The following DGKB variants were observed in gnomAD, a reference collection of about 807,000 sequenced individuals.
DGKB encodes diacylglycerol kinase beta.
In DGKB, 67 loss-of-function variants were observed where a neutral mutation model predicts 114.3. The ratio of observed to expected loss-of-function variants is 0.59; its 90% CI spans 0.48 to 0.72. The LOEUF (loss-of-function observed/expected upper bound fraction) is 0.72. Among genes scored for constraint, DGKB ranks in the 30% least tolerant of loss-of-function variants. The pLI, the probability that DGKB is intolerant of heterozygous loss-of-function variation, is 0.00. For missense variants in DGKB, 907 were observed against 975.2 expected, an observed-to-expected ratio of 0.93 and a Z score of 0.93; for synonymous variants, 398 against 323.1, an observed-to-expected ratio of 1.23 and a Z score of -2.49.
intron 20 of DGKB, among the ~76,000 whole-genome samples, chr7:14,573,225 C>A (rs1798643084): frequency 6.6e-6 from 1 of 152,076 alleles, no homozygotes; most frequent in South Asian, 2.1e-4. Context: ...ATAGTCATTA[C>A]AGTATTAGTA....
intron 23 of DGKB, among the ~76,000 whole-genome samples, chr7:14,218,797 GT>G (rs1562651553): frequency 1.3e-5 from 2 of 151,540 alleles, no homozygotes; most frequent in East Asian, 1.9e-4. Context: ...GTGAAATTCA[GT>G]TTTTTTTAGT....
intron 20 of DGKB, among the ~76,000 whole-genome samples, chr7:14,524,059 T>G (rs1184465813): frequency 1.3e-5 from 2 of 152,194 alleles, no homozygotes; most frequent in African/African-American, 4.8e-5. Context: ...ATTTTGGATC[T>G]TCTCCAACTG....
At chr7:14,288,287 GT>G (rs72215994) in intron 23 of DGKB, among the ~76,000 whole-genome samples, 1,305 of 91,394 alleles carry the variant, frequency 0.014, 9 homozygotes, top group South Asian at 0.02. Context: ...ACTACCCTGA[GT>G]TTTTTTTTTT....
intron 16 of DGKB, among the ~76,000 whole-genome samples, chr7:14,607,798 C>A (rs183837621): frequency 4.6e-5 from 7 of 151,626 alleles, no homozygotes; most frequent in African/African-American, 1.7e-4. Context: ...TTCTCTAACC[C>A]GCTTTTGAAC....
rs1797605748 is a variant in DGKB, at chr7:14,567,273, AAT to A, written c.1770+6937_1770+6938del. ...TTATATATTTATATATTATATATAT[AAT>A]TATATTATATATATAATATATTTAT... On this transcript the variant is annotated intron_variant, in intron 20 of 25. Transcript: ENST00000402815. Among the ~76,000 whole-genome samples the A allele has an allele frequency of 6.3e-5, 3 of 47,824 alleles. No homozygotes were observed. The South Asian group carries it at 1.5e-3, about 23-fold the overall frequency. 31.4% of individuals were successfully genotyped at this position (47,824 alleles called of 152,430 possible). A position where few individuals can be genotyped will look rare whatever the true frequency, so the allele number is the denominator to read the frequency against.
At chr7:14,746,476 T>A (rs913759090) in intron 4 of DGKB, among the ~76,000 whole-genome samples, 5 of 152,142 alleles carry the variant, frequency 3.3e-5, no homozygotes, top group African/African-American at 1.2e-4. Flanking sequence ...CTTAGATACA[T>A]TTTTAAGTTA....
chr7:14,716,020 T>C (rs961662889), intron 6 of DGKB, among the ~76,000 whole-genome samples: 1 of 152,192 alleles, frequency 6.6e-6, no homozygotes, highest in African/African-American at 2.4e-5. Context: ...ATTTTAAAAA[T>C]ATTTGGGGAA....
chr7:14,950,367 A>G (rs1237253976), intron 1 of DGKB, among the ~76,000 whole-genome samples: 1 of 151,944 alleles, frequency 6.6e-6, no homozygotes, highest in African/African-American at 2.4e-5. Context: ...GAAGAGAAAA[A>G]TTAAAGCTTC....
At chr7:14,296,760 G>GTTTTTTTTTTTTTTTTTTTTTTTTTTTT (rs56367420) in intron 23 of DGKB, among the ~76,000 whole-genome samples, 1 of 100,836 alleles carries the variant, frequency 9.9e-6, no homozygotes, top group African/African-American at 4.0e-5. Flanking sequence ...TCCAGGGACT[G>GTTTTTTTTTTTTTTTTTTTTTTTTTTTT]TTTTTTTTTT....
intron 1 of DGKB, among the ~76,000 whole-genome samples, chr7:14,924,050 G>T (rs967779600): frequency 6.7e-6 from 1 of 148,312 alleles, no homozygotes; most frequent in Admixed American, 6.7e-5. Context: ...TGACCTGAAG[G>T]CAGAAGGCAG....
chr7:14,457,234 A>G (rs1390119311), intron 21 of DGKB, among the ~76,000 whole-genome samples: 1 of 152,148 alleles, frequency 6.6e-6, no homozygotes, highest in East Asian at 1.9e-4. Flanking sequence ...TGCGTTATTA[A>G]CAATTAGTTG....
At chr7:14,249,268 A>G (rs1313519654) in intron 23 of DGKB, among the ~76,000 whole-genome samples, 1 of 152,088 alleles carries the variant, frequency 6.6e-6, no homozygotes, top group Non-Finnish European at 1.5e-5. Context: ...GAGTTTTTGC[A>G]TCTATGTTCA....
chr7:14,165,138 T>G (rs1784438256), intron 25 of DGKB, among the ~76,000 whole-genome samples: 1 of 152,170 alleles, frequency 6.6e-6, no homozygotes, highest in Non-Finnish European at 1.5e-5. Context: ...AACATTATTT[T>G]CAAGGAGTGA....
chr7:14,217,214 TA>T (rs1165850596), intron 23 of DGKB, among the ~76,000 whole-genome samples: 1 of 144,336 alleles, frequency 6.9e-6, no homozygotes, highest in Non-Finnish European at 1.6e-5. Context: ...ATTAAAATTT[TA>T]AAGTGAGAAT....
At chr7:14,218,647 T>G (rs1789406059) in intron 23 of DGKB, among the ~76,000 whole-genome samples, 1 of 152,072 alleles carries the variant, frequency 6.6e-6, no homozygotes, top group Admixed American at 6.6e-5. Flanking sequence ...TGATCATACT[T>G]TTGTCCATTT....
At chr7:14,919,062 G>GCGCGCGCA (rs1213217913) in intron 1 of DGKB, among the ~76,000 whole-genome samples, 3 of 118,150 alleles carry the variant, frequency 2.5e-5, no homozygotes, top group Admixed American at 1.7e-4. Context: ...TCCACCACAC[G>GCGCGCGCA]CACACACACA....
At chr7:14,814,695 G>T (rs1411254988) in intron 2 of DGKB, among the ~76,000 whole-genome samples, 3 of 152,078 alleles carry the variant, frequency 2.0e-5, no homozygotes, top group Admixed American at 1.3e-4. Flanking sequence ...TCTGAAAATT[G>T]GTTCTGAAGA....
intron 23 of DGKB, among the ~76,000 whole-genome samples, chr7:14,334,383 TGTGTGTGTGTGTGCGC>T (rs1348292012): frequency 2.4e-5 from 2 of 82,994 alleles, no homozygotes; most frequent in East Asian, 5.6e-4. Flanking sequence ...TGTGTGTGTG[TGTGTGTGTGTGTGCGC>T]GCGCGTGTAT....
At position 14,666,730 on chromosome 7, in the gene DGKB, A is replaced by G. The variant is rs575720725; in HGVS notation, c.1134+6199T>C. On this transcript the variant is annotated intron_variant, in intron 13 of 25. Coordinates refer to ENST00000402815, the MANE Select transcript of DGKB (RefSeq NM_001350709.2). ...AAACAGTTTCTGACCTCTCTTCAATATGGCAGTAAATGAACTATAGCTATA... is the reference window on the plus strand; with the variant it reads ...AAACAGTTTCTGACCTCTCTTCAATGTGGCAGTAAATGAACTATAGCTATA... 7.0e-4 allele frequency among the ~76,000 whole-genome samples: 107 copies of G among 152,082 alleles called. 4 individuals carry two copies. The South Asian group carries it at 0.021, about 29-fold the overall frequency.
Sources: gnomAD v4.1 joint callset for allele counts (sites outside exome capture counted in the v4.1 genomes callset) on GRCh38, gnomAD v4.1.1 for gene constraint, MANE v1.5 for transcripts, NCBI Gene and HGNC (gene_info 2026-07-23, HGNC 2026-07-21) for gene names.